The following GNG12 variants were observed in gnomAD, a reference collection of about 807,000 sequenced individuals.
The protein encoded by GNG12 is guanine nucleotide-binding protein G(I)/G(S)/G(O) subunit gamma-12.
For synonymous variants in GNG12, 28 were observed against 29.7 expected, an observed-to-expected ratio of 0.94 and a Z score of 0.19; for missense variants, 69 against 83.8, an observed-to-expected ratio of 0.82 and a Z score of 0.69.
intron 2 of GNG12, among the ~76,000 whole-genome samples, chr1:67,753,487 G>A (rs1480969772): frequency 6.6e-6 from 1 of 152,160 alleles, no homozygotes; most frequent in Non-Finnish European, 1.5e-5. Context: ...TGCGACTGGA[G>A]GAAATTTACT....
intron 2 of GNG12, among the ~76,000 whole-genome samples, chr1:67,733,527 A>G (rs1027664578): frequency 1.3e-5 from 2 of 152,228 alleles, no homozygotes; most frequent in Non-Finnish European, 2.9e-5. Context: ...AATAATAAAC[A>G]TATCACAAGT....
chr1:67,757,640 C>T (rs3753368), intron 2 of GNG12, among the ~76,000 whole-genome samples: 13,518 of 152,198 alleles, frequency 0.089, 620 homozygotes, highest in Admixed American at 0.11. Context: ...TCCTGCCTTC[C>T]GGGGGACCTT....
intron 1 of GNG12, among the ~76,000 whole-genome samples, chr1:67,830,776 AAC>A (rs1452877499): frequency 1.3e-5 from 2 of 151,888 alleles, no homozygotes; most frequent in Admixed American, 6.6e-5. Flanking sequence ...CACACACACA[AAC>A]ACACACACAC....
In GNG12 at chr1:67,701,505, C is replaced by A. The variant is rs112069016; in HGVS notation, c.*3946G>T. ...TTTTATTCATTTATTGAGCAAAACA[C>A]AAGTAGGATGATACAATGAGGCACT... On this transcript the variant is annotated 3_prime_UTR_variant, in exon 4 of 4. Transcript: ENST00000370982. 2 of 152,596 alleles carry A rather than the reference C, an allele frequency of 1.3e-5. No individual in the cohort carries two copies. Among genetic ancestry groups the A allele is most frequent in the Non-Finnish European group, 2.9e-5 (2 of 68,044 alleles). 9.5% of individuals were successfully genotyped at this position (152,596 alleles called of 1,614,324 possible).
intron 2 of GNG12, among the ~76,000 whole-genome samples, chr1:67,734,709 C>T (rs1431976624): frequency 1.3e-5 from 2 of 152,302 alleles, no homozygotes; most frequent in East Asian, 1.9e-4. Flanking sequence ...TTACTGCAGC[C>T]TTGAACTCCT....
rs116942024 is a variant in GNG12 at position 67,748,944 on chromosome 1, G to A, written c.-27+28514C>T. 7.5e-4 allele frequency among the ~76,000 whole-genome samples: 114 copies of A among 151,450 alleles called. 1 individual carries two copies. The East Asian group carries it at 0.015, about 20-fold the overall frequency. ...AAGTCCAGAATAGCCTCTCCCTTTCGGTTGGCCAACTCAACACTTCCCTTA... is the reference window on the plus strand; with the variant it reads ...AAGTCCAGAATAGCCTCTCCCTTTCAGTTGGCCAACTCAACACTTCCCTTA... On this transcript the variant is annotated intron_variant, in intron 2 of 3. Coordinates refer to ENST00000370982, the MANE Select transcript of GNG12 (RefSeq NM_018841.6).
rs116806444 is a variant in GNG12, at chr1:67,823,226, T to C, written c.-77+10118A>G. 3.1e-3 allele frequency among the ~76,000 whole-genome samples: 469 copies of C among 152,370 alleles called. 4 individuals carry two copies. The highest frequency in any genetic ancestry group is 5.4e-3 in the Non-Finnish European group (366 of 68,030). On this transcript the variant is annotated intron_variant, in intron 1 of 3. Coordinates refer to ENST00000370982, the MANE Select transcript of GNG12 (RefSeq NM_018841.6). The stretch of plus-strand genomic sequence containing the variant: ...TTTTTAAGTTTTGCAGGAAATGCTA[T>C]TGAAATGTATATATTCTCAATCTCT...
At chr1:67,750,285 C>T (rs1178806922) in intron 2 of GNG12, among the ~76,000 whole-genome samples, 3 of 152,146 alleles carry the variant, frequency 2.0e-5, no homozygotes, top group East Asian at 1.9e-4. Flanking sequence ...GGATTACAAA[C>T]GAACAGGGAA....
rs967669994 is a variant in GNG12, at chr1:67,735,262, C to T, written c.-26-27550G>A. ...ATAAGCAGACTTCTTTCACGCAAGA[C>T]TTCTCAGGGTCTTTCCTGCACTAAG... is the stretch of plus-strand genomic sequence containing the variant. On this transcript the variant is annotated intron_variant, in intron 2 of 3. Transcript: ENST00000370982. Among the ~76,000 whole-genome samples the T allele has an allele frequency of 1.3e-5, 2 of 152,216 alleles. 1 individual carries two copies. The highest frequency in any genetic ancestry group is 1.3e-4 in the Admixed American group (2 of 15,286).
rs1646221409 is a variant in GNG12 at position 67,702,436 on chromosome 1, A to C, written c.*3015T>G. On this transcript the variant is annotated 3_prime_UTR_variant, in exon 4 of 4. Transcript: ENST00000370982. ...GTAAGCTACCCTATGCCTCAAAATTACTAAATCATTGGTATAAAGTTTTGG... is the reference window on the plus strand; with the variant it reads ...GTAAGCTACCCTATGCCTCAAAATTCCTAAATCATTGGTATAAAGTTTTGG... The C allele has an allele frequency of 6.6e-6, 1 of 152,212 alleles. No homozygotes were observed. Among genetic ancestry groups the C allele is most frequent in the South Asian group, 2.1e-4 (1 of 4,834 alleles). The allele number at this position is 152,212 out of a possible 1,614,324, so 9.4% of individuals were successfully genotyped here. A position where few individuals can be genotyped will look rare whatever the true frequency, so the allele number is the denominator to read the frequency against.
intron 1 of GNG12, among the ~76,000 whole-genome samples, chr1:67,805,530 T>C (rs1052822908): frequency 6.6e-6 from 1 of 152,206 alleles, no homozygotes; most frequent in African/African-American, 2.4e-5. Context: ...ATGCCTTTGA[T>C]AAGTTCATTA....
chr1:67,786,935 ATGTGTGTGTG>A (rs60096043), intron 1 of GNG12, among the ~76,000 whole-genome samples: 5,591 of 133,434 alleles, frequency 0.042, 261 homozygotes, highest in East Asian at 0.11. Flanking sequence ...TTATATATAT[ATGTGTGTGTG>A]TGTGTGTGTG....
chr1:67,716,873 A>G (rs1646328516), intron 2 of GNG12, among the ~76,000 whole-genome samples: 1 of 152,242 alleles, frequency 6.6e-6, no homozygotes, highest in Non-Finnish European at 1.5e-5. Flanking sequence ...CAGATTCTAC[A>G]TAGGAATATT....
rs531163540 is a variant in GNG12, at chr1:67,813,162, G to A, written c.-77+20182C>T. On this transcript the variant is annotated intron_variant, in intron 1 of 3. Coordinates refer to ENST00000370982, the MANE Select transcript of GNG12 (RefSeq NM_018841.6). The stretch of plus-strand genomic sequence containing the variant: ...TTATCAAATTAGATCAAGAGAACAT[G>A]CTCTTGGACTTATTTCCCGTAGAAA... Among the ~76,000 whole-genome samples, 23 of 101,624 alleles carry A rather than the reference G, an allele frequency of 2.3e-4. No individual in the cohort carries two copies. In the East Asian group the frequency reaches 6.8e-3, roughly 30 times the overall value. 66.7% of individuals were successfully genotyped at this position (101,624 alleles called of 152,430 possible).
chr1:67,782,351 AT>A (rs1228957126), intron 1 of GNG12, among the ~76,000 whole-genome samples: 8 of 152,228 alleles, frequency 5.3e-5, no homozygotes, highest in Non-Finnish European at 8.8e-5. Flanking sequence ...GTGGGTTAAA[AT>A]GCTGGCATTT....
At chr1:67,764,470 C>T (rs1341888658) in intron 2 of GNG12, among the ~76,000 whole-genome samples, 2 of 152,130 alleles carry the variant, frequency 1.3e-5, no homozygotes, top group East Asian at 1.9e-4. Flanking sequence ...TAAACTTCAG[C>T]GTATTATAAT....
At chr1:67,791,036 C>T (rs1646799272) in intron 1 of GNG12, among the ~76,000 whole-genome samples, 1 of 152,126 alleles carries the variant, frequency 6.6e-6, no homozygotes, top group Non-Finnish European at 1.5e-5. Flanking sequence ...ATCTAATTTT[C>T]TAAAACTGAA....
intron 2 of GNG12, among the ~76,000 whole-genome samples, chr1:67,775,394 G>GA (rs1646699082): frequency 6.6e-6 from 1 of 152,230 alleles, no homozygotes; most frequent in Admixed American, 6.5e-5. Context: ...TGAATGTCAT[G>GA]AAGATATTGT....
intron 2 of GNG12, among the ~76,000 whole-genome samples, chr1:67,768,801 A>G (rs188756216): frequency 2.4e-3 from 370 of 152,334 alleles, no homozygotes; most frequent in Non-Finnish European, 4.4e-3. Context: ...AAATGTATAC[A>G]TATAAAAAGT....
Sources: allele counts gnomAD v4.1 joint callset (sites outside exome capture counted in the v4.1 genomes callset), GRCh38; gene constraint gnomAD v4.1.1; transcripts MANE v1.5; gene names NCBI Gene and HGNC (gene_info 2026-07-23, HGNC 2026-07-21).